Variants in KHDRBS3 observed in about 807,000 individuals in gnomAD.
KHDRBS3 encodes KH RNA binding domain containing, signal transduction associated 3.
A neutral mutation model predicts 45.6 loss-of-function variants in KHDRBS3; 23 were observed. The ratio of observed to expected loss-of-function variants is 0.50; its 90% CI spans 0.36 to 0.72. The LOEUF is 0.72. KHDRBS3 is among the 30% of genes least tolerant of loss of function. The pLI, the probability that KHDRBS3 is intolerant of heterozygous loss-of-function variation, is 0.00. For missense variants in KHDRBS3, 352 were observed against 424.8 expected, an observed-to-expected ratio of 0.83 and a Z score of 1.51; for synonymous variants, 162 against 156.5, an observed-to-expected ratio of 1.04 and a Z score of -0.26.
At chr8:135,532,559 G>A (rs1825532546) in intron 2 of KHDRBS3, among the ~76,000 whole-genome samples, 1 of 152,064 alleles carries the variant, frequency 6.6e-6, no homozygotes, top group Non-Finnish European at 1.5e-5. Context: ...TTATGTGTGT[G>A]TACACACACG....
intron 1 of KHDRBS3, among the ~76,000 whole-genome samples, chr8:135,459,394 T>C (rs1023996448): frequency 6.6e-6 from 1 of 152,338 alleles, no homozygotes; most frequent in African/African-American, 2.4e-5. Flanking sequence ...TTTAATAAAA[T>C]GGGCTTGTGA....
At chr8:135,559,048 G>A (rs1827036973) in intron 5 of KHDRBS3, among the ~76,000 whole-genome samples, 1 of 152,112 alleles carries the variant, frequency 6.6e-6, no homozygotes, top group African/African-American at 2.4e-5. Flanking sequence ...AAGGAGACAT[G>A]TGATTATATT....
chr8:135,648,245 T>C (rs1274414695), downstream of KHDRBS3: 2 of 152,200 alleles, frequency 1.3e-5, no homozygotes, highest in African/African-American at 4.8e-5. Context: ...ATCACCTAAA[T>C]TCTCATTTTA....
intron 1 of KHDRBS3, among the ~76,000 whole-genome samples, chr8:135,468,361 C>T (rs777154288): frequency 6.6e-6 from 1 of 152,162 alleles, no homozygotes; most frequent in Non-Finnish European, 1.5e-5. Flanking sequence ...GTTTAGAAGC[C>T]AAGATCTGGG....
intron 2 of KHDRBS3, among the ~76,000 whole-genome samples, chr8:135,527,786 A>G (rs1373510853): frequency 6.6e-6 from 1 of 152,248 alleles, no homozygotes; most frequent in Admixed American, 6.5e-5. Context: ...CAAGATACAG[A>G]AAATCCAGAA....
At position 135,537,159 on chromosome 8, in the gene KHDRBS3, G is replaced by A. The variant is rs182804212; in HGVS notation, c.208-5495G>A. On this transcript the variant is annotated intron_variant, in intron 2 of 8. Coordinates refer to ENST00000355849, the MANE Select transcript of KHDRBS3 (RefSeq NM_006558.3). ...GCAGGCTTCAGGCTTGAGTTACTGC[G>A]AAGACAGTGGCACCATTTGCTGGGC... Among the ~76,000 whole-genome samples the A allele has an allele frequency of 2.1e-3, 316 of 152,212 alleles. 2 individuals are homozygous for A. The highest frequency in any genetic ancestry group is 6.9e-3 in the African/African-American group (287 of 41,538).
chr8:135,656,311 A>T (rs1288369075), exon 5 of KHDRBS3: 1 of 152,242 alleles, frequency 6.6e-6, no homozygotes, highest in Non-Finnish European at 1.5e-5. Context: ...TGGGAACTTG[A>T]AAAACATCTT....
At chr8:135,557,195 A>G (rs1826929517) in intron 4 of KHDRBS3, among the ~76,000 whole-genome samples, 1 of 152,198 alleles carries the variant, frequency 6.6e-6, no homozygotes, top group South Asian at 2.1e-4. Context: ...TCTCACTTGC[A>G]AAGTATGCCC....
chr8:135,592,262 T>TC (rs1267115843), intron 6 of KHDRBS3, among the ~76,000 whole-genome samples: 1 of 152,142 alleles, frequency 6.6e-6, no homozygotes, highest in Non-Finnish European at 1.5e-5. Flanking sequence ...TGGTTTTTTT[T>TC]CTTCCTACGT....
At position 135,529,183 on chromosome 8, in the gene KHDRBS3, A is replaced by G. The variant is rs148268597; in HGVS notation, c.207+7828A>G. Among the ~76,000 whole-genome samples the G allele has an allele frequency of 2.9e-3, 449 of 152,294 alleles. 3 individuals are homozygous for G. The highest frequency in any genetic ancestry group is 0.01 in the African/African-American group (419 of 41,570). On this transcript the variant is annotated intron_variant, in intron 2 of 8. Coordinates refer to ENST00000355849, the MANE Select transcript of KHDRBS3 (RefSeq NM_006558.3). ...GTTTTATGATGGACGGTTCTCTTCT[A>G]CTTTCTCATTTTGTCAACCTACATC...
intron 6 of KHDRBS3, chr8:135,593,310 T>G (rs1828830769): frequency 6.6e-6 from 1 of 152,232 alleles, no homozygotes; most frequent in African/African-American, 2.4e-5. Context: ...TTCTTTCATA[T>G]TTACTTGTTT....
chr8:135,510,704 A>T (rs1198869026), intron 1 of KHDRBS3, among the ~76,000 whole-genome samples: 1 of 152,206 alleles, frequency 6.6e-6, no homozygotes, highest in Non-Finnish European at 1.5e-5. Context: ...AAGTTCTGGG[A>T]TTACAGGCTT....
Position 135,609,492 on chromosome 8 carries a change from G to A in KHDRBS3, c.890+2455G>A, listed in dbSNP as rs192747175. Among the ~76,000 whole-genome samples the A allele has an allele frequency of 1.2e-3, 185 of 151,924 alleles. 4 individuals carry two copies. The East Asian group carries it at 0.029, about 24-fold the overall frequency. ...GTATTTATAGTAGAGATGGGGTTTCGCCATGTTGCTCAGGCTGGTCTTGAA... is the reference window on the plus strand; with the variant it reads ...GTATTTATAGTAGAGATGGGGTTTCACCATGTTGCTCAGGCTGGTCTTGAA... On this transcript the variant is annotated intron_variant, in intron 7 of 8. Transcript: ENST00000355849.
chr8:135,610,174 G>A (rs1432727701), intron 7 of KHDRBS3, among the ~76,000 whole-genome samples: 1 of 151,914 alleles, frequency 6.6e-6, no homozygotes, highest in Non-Finnish European at 1.5e-5. Flanking sequence ...ATGTCAAAAT[G>A]TGACTGCAGG....
intron 7 of KHDRBS3, among the ~76,000 whole-genome samples, chr8:135,618,769 G>C (rs1786324168): frequency 1.3e-5 from 2 of 152,188 alleles, no homozygotes; most frequent in Admixed American, 6.5e-5. Context: ...ACTTCGCTGT[G>C]TATGTGATCT....
At chr8:135,569,102 TA>T (rs987076762) in intron 5 of KHDRBS3, among the ~76,000 whole-genome samples, 2 of 151,882 alleles carry the variant, frequency 1.3e-5, no homozygotes, top group East Asian at 1.9e-4. Flanking sequence ...CCCTGTAGTT[TA>T]AAAAAAAGCA....
At chr8:135,602,421 T>C (rs1418110555) in intron 6 of KHDRBS3, among the ~76,000 whole-genome samples, 1 of 152,190 alleles carries the variant, frequency 6.6e-6, no homozygotes, top group Non-Finnish European at 1.5e-5. Flanking sequence ...TCTCTTAAAA[T>C]CTTCAGTATA....
intron 4 of KHDRBS3, among the ~76,000 whole-genome samples, chr8:135,655,968 A>G (rs535290150): frequency 2.0e-5 from 3 of 152,322 alleles, no homozygotes; most frequent in East Asian, 1.9e-4. Context: ...CCATGCTGAA[A>G]TCACTCCATG....
chr8:135,592,080 G>A (rs1211306969), intron 6 of KHDRBS3, among the ~76,000 whole-genome samples: 1 of 152,122 alleles, frequency 6.6e-6, no homozygotes, highest in East Asian at 1.9e-4. Flanking sequence ...CATTTTACCA[G>A]AAGCCAGGGT....
Sources: allele counts gnomAD v4.1 joint callset (sites outside exome capture counted in the v4.1 genomes callset), GRCh38; gene constraint gnomAD v4.1.1; transcripts MANE v1.5; gene names NCBI Gene and HGNC (gene_info 2026-07-23, HGNC 2026-07-21).